Variants in SYT1 observed in about 807,000 individuals in gnomAD.
SYT1 encodes the protein synaptotagmin-1.
A neutral mutation model predicts 44.8 loss-of-function variants in SYT1; 8 were observed. That is an observed-to-expected ratio of 0.18 (90% CI 0.10 to 0.32). The LOEUF (loss-of-function observed/expected upper bound fraction) is 0.32. Ranked by LOEUF, SYT1 falls within the 10% of genes least tolerant of loss-of-function variation. The probability of loss-of-function intolerance (pLI) is 1.00; values close to 1 mark genes in which losing one functional copy is unlikely to be tolerated. For missense variants in SYT1, 286 were observed against 509.3 expected, an observed-to-expected ratio of 0.56 and a Z score of 4.22; for synonymous variants, 154 against 188.8, an observed-to-expected ratio of 0.82 and a Z score of 1.51.
chr12:79,046,260 T>C (rs1266654310), intron 2 of SYT1: 3 of 152,224 alleles, frequency 2.0e-5, no homozygotes, highest in Non-Finnish European at 4.4e-5. Flanking sequence ...GAGTTACCTA[T>C]GTGACCCAAT....
intron 1 of SYT1, among the ~76,000 whole-genome samples, chr12:78,913,176 T>C (rs574268770): frequency 9.9e-5 from 15 of 151,610 alleles, no homozygotes; most frequent in Non-Finnish European, 1.8e-4. Flanking sequence ...TTCATAGATA[T>C]GTTTTATTTA....
chr12:79,166,020 G>A (rs1403575186), intron 3 of SYT1, among the ~76,000 whole-genome samples: 1 of 151,792 alleles, frequency 6.6e-6, no homozygotes, highest in Non-Finnish European at 1.5e-5. Flanking sequence ...AAATGGAAAA[G>A]GCAAACCAAA....
rs1300788299 is a variant in SYT1 at position 78,985,244 on chromosome 12, A to T, written c.-84+7313A>T. ...CTGTATTACCTCCCAATTCTCACAT[A>T]TTTATACATAAGTATTAAAACTATA... On this transcript the variant is annotated intron_variant, in intron 2 of 10. Transcript: ENST00000261205. Among the ~76,000 whole-genome samples the T allele has an allele frequency of 2.6e-5, 4 of 151,958 alleles. No homozygotes were observed. The East Asian group carries it at 7.7e-4, about 29-fold the overall frequency.
intron 3 of SYT1, among the ~76,000 whole-genome samples, chr12:79,198,621 T>A (rs1026739936): frequency 7.9e-5 from 12 of 152,198 alleles, no homozygotes; most frequent in Non-Finnish European, 1.6e-4. Flanking sequence ...TGGAATTTCA[T>A]GCCCAAATCA....
chr12:78,910,169 G>T (rs1876237000), intron 1 of SYT1, among the ~76,000 whole-genome samples: 1 of 151,968 alleles, frequency 6.6e-6, no homozygotes, highest in Non-Finnish European at 1.5e-5. Context: ...GCTTCCTAAG[G>T]AAGGGCAGTT....
At position 79,401,399 on chromosome 12, in the gene SYT1, C is replaced by CAAAA. The variant is rs74276040; in HGVS notation, c.929-42668_929-42665dup. Among the ~76,000 whole-genome samples, 35 of 150,632 alleles carry CAAAA rather than the reference C, an allele frequency of 2.3e-4. No individual in the cohort carries two copies. The East Asian group carries it at 2.4e-3, about 10-fold the overall frequency. ...ACAAAGCGAGACCCGGTGTCAATTA[C>CAAAA]AAAAAAAAAGTGTGCCATAATAATC... On this transcript the variant is annotated intron_variant, in intron 9 of 10. Transcript: ENST00000261205.
At chr12:79,179,316 A>C (rs1471552617) in intron 3 of SYT1, among the ~76,000 whole-genome samples, 1 of 59,886 alleles carries the variant, frequency 1.7e-5, no homozygotes, top group African/African-American at 8.3e-5. Context: ...ATCTATATAG[A>C]TATAGATATA....
chr12:78,906,411 G>A (rs533620898), intron 1 of SYT1, among the ~76,000 whole-genome samples: 100 of 152,160 alleles, frequency 6.6e-4, no homozygotes, highest in Non-Finnish European at 4.7e-4. Flanking sequence ...GCAGTGCCCA[G>A]AACAGAAAAA....
intron 3 of SYT1, among the ~76,000 whole-genome samples, chr12:79,091,223 T>G (rs1182291578): frequency 6.6e-6 from 1 of 151,872 alleles, no homozygotes; most frequent in Admixed American, 6.6e-5. Context: ...TTGATAACTG[T>G]GGAAAATTTG....
chr12:79,323,894 A>G (rs1881482566), intron 8 of SYT1, among the ~76,000 whole-genome samples: 1 of 150,842 alleles, frequency 6.6e-6, no homozygotes, highest in South Asian at 2.1e-4. Flanking sequence ...GAATCCATGA[A>G]ATGAGAATAA....
chr12:79,415,763 A>C (rs1049303572), intron 9 of SYT1, among the ~76,000 whole-genome samples: 1 of 152,196 alleles, frequency 6.6e-6, no homozygotes, highest in African/African-American at 2.4e-5. Flanking sequence ...TGCATTTTAA[A>C]TGTTAATAGA....
chr12:78,993,333 A>G (rs1447325668), intron 2 of SYT1, among the ~76,000 whole-genome samples: 1 of 152,218 alleles, frequency 6.6e-6, no homozygotes, highest in East Asian at 1.9e-4. Flanking sequence ...AAATTCTTGC[A>G]TTTTTATTTT....
At chr12:79,008,018 TA>T (rs1036044195) in intron 2 of SYT1, among the ~76,000 whole-genome samples, 1 of 151,206 alleles carries the variant, frequency 6.6e-6, no homozygotes. Flanking sequence ...TCTAGTGAAA[TA>T]AAAAAAAGAA....
At position 78,912,772 on chromosome 12, in the gene SYT1, A is replaced by G. The variant is rs188179398; in HGVS notation, c.-217+47663A>G. ...GGTAGGACATCTAAGTGTTCATATA[A>G]TAAGCAGGAGAAAATGCTCACACAC... On this transcript the variant is annotated intron_variant, in intron 1 of 10. Transcript: ENST00000261205. Among the ~76,000 whole-genome samples, 36 of 152,078 alleles carry G rather than the reference A, an allele frequency of 2.4e-4. No homozygotes were observed. The East Asian group carries it at 5.8e-3, about 25-fold the overall frequency.
At chr12:79,111,722 A>C (rs1879021543) in intron 3 of SYT1, among the ~76,000 whole-genome samples, 1 of 151,852 alleles carries the variant, frequency 6.6e-6, no homozygotes, top group Non-Finnish European at 1.5e-5. Flanking sequence ...AAACTTGTCT[A>C]GATTCACAAA....
At chr12:78,988,467 G>A (rs1869805409) in intron 2 of SYT1, among the ~76,000 whole-genome samples, 1 of 149,844 alleles carries the variant, frequency 6.7e-6, no homozygotes, top group Admixed American at 6.7e-5. Flanking sequence ...TATATGCCAA[G>A]AAGAAAACAA....
chr12:79,092,877 A>C lies in SYT1; in HGVS notation c.-18+45515A>C, dbSNP rs141536809. Among the ~76,000 whole-genome samples the C allele has an allele frequency of 1.9e-4, 29 of 151,892 alleles. No homozygotes were observed. The East Asian group carries it at 5.2e-3, about 27-fold the overall frequency. On this transcript the variant is annotated intron_variant, in intron 3 of 10. Transcript: ENST00000261205. ...AATAGCCATGGTTAAAAACCTAATG[A>C]GAATTCATAACAAGTCATTGACAAG...
At chr12:78,923,691 T>TTC (rs545925878) in intron 1 of SYT1, among the ~76,000 whole-genome samples, 98 of 146,692 alleles carry the variant, frequency 6.7e-4, no homozygotes, top group African/African-American at 2.0e-3. Flanking sequence ...CCCCCTTTCT[T>TTC]TCTCTCTCTC....
chr12:79,069,749 C>A (rs957846735), intron 3 of SYT1, among the ~76,000 whole-genome samples: 4 of 151,958 alleles, frequency 2.6e-5, no homozygotes, highest in African/African-American at 9.7e-5. Flanking sequence ...GGATCTCAGT[C>A]CTCTTGGCAA....
Sources: allele counts gnomAD v4.1 joint callset (sites outside exome capture counted in the v4.1 genomes callset), GRCh38; gene constraint gnomAD v4.1.1; transcripts MANE v1.5; gene names NCBI Gene and HGNC (gene_info 2026-07-23, HGNC 2026-07-21).